ARHGAP42: variants seen among roughly 807,000 people sequenced by gnomAD.
ARHGAP42 encodes the protein rho GTPase-activating protein 42.
ARHGAP42 carries 63 observed loss-of-function variants against 125.0 expected under a neutral mutation model. The observed-to-expected ratio is 0.50, with a 90% confidence interval of 0.41 to 0.62. The LOEUF (loss-of-function observed/expected upper bound fraction) is 0.62, where lower values mean the gene tolerates loss of function less well. Among genes scored for constraint, ARHGAP42 ranks in the 20% least tolerant of loss-of-function variants. The probability of loss-of-function intolerance (pLI) is 0.00; values close to 1 mark genes in which losing one functional copy is unlikely to be tolerated. For synonymous variants in ARHGAP42, 339 were observed against 351.0 expected, an observed-to-expected ratio of 0.97 and a Z score of 0.38; for missense variants, 766 against 1,024.2, an observed-to-expected ratio of 0.75 and a Z score of 3.44.
At chr11:100,801,759 T>C (rs1033680410) in intron 3 of ARHGAP42, among the ~76,000 whole-genome samples, 1 of 152,220 alleles carries the variant, frequency 6.6e-6, no homozygotes, top group African/African-American at 2.4e-5. Flanking sequence ...GTCTCATACA[T>C]CTCACACACC....
chr11:100,829,017 A>G (rs1473824329), intron 3 of ARHGAP42, among the ~76,000 whole-genome samples: 3 of 152,212 alleles, frequency 2.0e-5, no homozygotes, highest in Non-Finnish European at 4.4e-5. Flanking sequence ...TATGGGCCTT[A>G]TGCAAAGAGG....
At chr11:100,896,576 T>G (rs1866371059) in intron 4 of ARHGAP42, among the ~76,000 whole-genome samples, 2 of 152,240 alleles carry the variant, frequency 1.3e-5, no homozygotes, top group Admixed American at 1.3e-4. Context: ...GATTTGCATT[T>G]CTCTGATGAC....
intron 3 of ARHGAP42, among the ~76,000 whole-genome samples, chr11:100,811,590 C>A (rs61890786): frequency 0.051 from 7,650 of 149,246 alleles, 250 homozygotes; most frequent in East Asian, 0.18. Flanking sequence ...CTTCAACTCC[C>A]CCGGGCTCAA....
intron 1 of ARHGAP42, among the ~76,000 whole-genome samples, chr11:100,720,672 G>A (rs1861743408): frequency 8.2e-6 from 1 of 121,542 alleles, no homozygotes; most frequent in Non-Finnish European, 1.7e-5. Flanking sequence ...GACTGTATTG[G>A]TTGAGATAAC....
chr11:100,948,666 A>G (rs1868089405), intron 11 of ARHGAP42, 131 bp downstream of exon 11: 2 of 632,882 alleles, frequency 3.2e-6, no homozygotes, highest in Non-Finnish European at 5.1e-6. Flanking sequence ...AAATCAGGGG[A>G]GTAGAGACTT....
intron 2 of ARHGAP42, among the ~76,000 whole-genome samples, chr11:100,788,288 T>C (rs1277555060): frequency 6.6e-6 from 1 of 152,170 alleles, no homozygotes; most frequent in East Asian, 1.9e-4. Context: ...TTGATTTGTG[T>C]TTGGCAATTA....
chr11:100,773,768 C>T (rs1378241079), intron 2 of ARHGAP42, among the ~76,000 whole-genome samples: 3 of 152,048 alleles, frequency 2.0e-5, no homozygotes, highest in South Asian at 2.1e-4. Context: ...AGATTAGATT[C>T]GAGAGGTGTG....
intron 3 of ARHGAP42, among the ~76,000 whole-genome samples, chr11:100,812,034 C>G (rs940696695): frequency 6.6e-6 from 1 of 152,114 alleles, no homozygotes; most frequent in Non-Finnish European, 1.5e-5. Flanking sequence ...CTCCTGGGCT[C>G]AAATAATCCT....
At chr11:100,798,233 C>T (rs1417414258) in intron 3 of ARHGAP42, among the ~76,000 whole-genome samples, 3 of 152,188 alleles carry the variant, frequency 2.0e-5, no homozygotes, top group Non-Finnish European at 4.4e-5. Context: ...GTTGAGAATG[C>T]AGTAGCAGGG....
chr11:100,959,085 C>T (rs373815424), intron 12 of ARHGAP42, among the ~76,000 whole-genome samples: 1 of 27,048 alleles, frequency 3.7e-5, no homozygotes, highest in Admixed American at 4.7e-4. Flanking sequence ...CATGTCACTA[C>T]CACGTGATGA....
chr11:100,690,370 G>A (rs114439664), intron 1 of ARHGAP42, among the ~76,000 whole-genome samples: 2,228 of 151,844 alleles, frequency 0.015, 29 homozygotes, highest in African/African-American at 0.026. Context: ...AACTTTTCCC[G>A]TGAGAGTTTT....
chr11:100,815,011 C>G (rs1438216371), intron 3 of ARHGAP42, among the ~76,000 whole-genome samples: 1 of 152,250 alleles, frequency 6.6e-6, no homozygotes, highest in East Asian at 1.9e-4. Context: ...GTGGACACTT[C>G]CCTTGGGCCC....
intron 1 of ARHGAP42, among the ~76,000 whole-genome samples, chr11:100,705,979 T>G (rs1306874860): frequency 8.9e-5 from 6 of 67,716 alleles, no homozygotes; most frequent in African/African-American, 3.6e-4. Context: ...TTAAGTAACT[T>G]TTTTTTTTTT....
At chr11:100,742,352 A>G (rs1001739792) in intron 1 of ARHGAP42, among the ~76,000 whole-genome samples, 4 of 104,776 alleles carry the variant, frequency 3.8e-5, no homozygotes, top group African/African-American at 9.2e-5. Context: ...TGTCTTATTC[A>G]GTGACTAATT....
intron 1 of ARHGAP42, among the ~76,000 whole-genome samples, chr11:100,746,241 T>C (rs888681859): frequency 6.6e-6 from 1 of 152,248 alleles, no homozygotes; most frequent in Non-Finnish European, 1.5e-5. Context: ...CTAAGTTTCC[T>C]TCTTGTCATG....
rs1446707341 is a variant in ARHGAP42 at position 100,727,500 on chromosome 11, A to G, written c.154+39668A>G. ...TGGTCACCGGAAAGAGTCCGCCACA[A>G]TTAGAAGCCTTGAACTTTCAGCTCC... On this transcript the variant is annotated intron_variant, in intron 1 of 23. Transcript: ENST00000298815. Among the ~76,000 whole-genome samples, 5 of 152,202 alleles carry G rather than the reference A, an allele frequency of 3.3e-5. No homozygotes were observed. In the South Asian group the frequency reaches 8.3e-4, roughly 25 times the overall value.
At position 100,719,135 on chromosome 11, in the gene ARHGAP42, T is replaced by C. The variant is rs1565540250; in HGVS notation, c.154+31303T>C. The stretch of plus-strand genomic sequence containing the variant: ...AACTTAGAATAAGAGCATTTAGTGG[T>C]AGATAAATTTAAAAATGTCAGGCAC... On this transcript the variant is annotated intron_variant, in intron 1 of 23. Coordinates refer to ENST00000298815, the MANE Select transcript of ARHGAP42 (RefSeq NM_152432.4). Among the ~76,000 whole-genome samples, 3 of 152,202 alleles carry C rather than the reference T, an allele frequency of 2.0e-5. No homozygotes were observed. The East Asian group carries it at 5.8e-4, about 29-fold the overall frequency.
At chr11:100,789,435 C>G (rs1156792905) in intron 2 of ARHGAP42, among the ~76,000 whole-genome samples, 1 of 152,186 alleles carries the variant, frequency 6.6e-6, no homozygotes, top group African/African-American at 2.4e-5. Flanking sequence ...GGAAAAAATG[C>G]TTGCAAGATC....
chr11:100,933,079 A>T, intron 6 of ARHGAP42, 77 bp from the exon 7 acceptor site: 1 of 980,642 alleles, frequency 1.0e-6, no homozygotes, highest in South Asian at 1.8e-5. Context: ...ATGAAATATA[A>T]TTTTCTCCCT....
Sources: allele counts gnomAD v4.1 joint callset (sites outside exome capture counted in the v4.1 genomes callset), GRCh38; gene constraint gnomAD v4.1.1; transcripts MANE v1.5; gene names NCBI Gene and HGNC (gene_info 2026-07-23, HGNC 2026-07-21).